Variants in SRGAP2 observed in about 807,000 individuals in gnomAD.
SRGAP2 encodes the protein SLIT-ROBO Rho GTPase-activating protein 2.
A neutral mutation model predicts 57.2 loss-of-function variants in SRGAP2; 15 were observed. That is an observed-to-expected ratio of 0.26 (90% CI 0.18 to 0.40). SRGAP2 has a LOEUF of 0.40. Ranked by LOEUF, SRGAP2 falls within the 10% of genes least tolerant of loss-of-function variation. The pLI is 1.00. For synonymous variants in SRGAP2, 249 were observed against 248.0 expected (o/e 1.00, Z -0.04); for missense variants, 520 against 669.6 (o/e 0.78, Z 2.47).
chr1:206,452,513 G>A (rs115616775), intron 19 of SRGAP2, among the ~76,000 whole-genome samples: 1,998 of 152,222 alleles, frequency 0.013, 21 homozygotes, highest in Middle Eastern at 0.024. Flanking sequence ...AAGAAATAAT[G>A]CTTAAAAATA....
At chr1:206,318,466 G>A (rs1553326597) in intron 3 of SRGAP2, among the ~76,000 whole-genome samples, 1 of 152,150 alleles carries the variant, frequency 6.6e-6, no homozygotes, top group Non-Finnish European at 1.5e-5. Context: ...CCGGTAATGC[G>A]TGGAAATGTG....
At chr1:206,293,104 C>T (rs1465070796) in intron 2 of SRGAP2, among the ~76,000 whole-genome samples, 1 of 152,150 alleles carries the variant, frequency 6.6e-6, no homozygotes, top group African/African-American at 2.4e-5. Context: ...GTTTTCAACT[C>T]GATTGTGTTG....
At chr1:206,328,293 C>T (rs1674116991) in intron 3 of SRGAP2, among the ~76,000 whole-genome samples, 1 of 108,572 alleles carries the variant, frequency 9.2e-6, no homozygotes, top group Non-Finnish European at 1.8e-5. Context: ...TTTATAGCAG[C>T]ATGATTTATA....
intron 4 of SRGAP2, among the ~76,000 whole-genome samples, chr1:206,357,254 AAAG>A (rs1191333256): frequency 1.2e-4 from 18 of 149,124 alleles, no homozygotes; most frequent in African/African-American, 3.8e-4. Flanking sequence ...CTATGAAAGA[AAAG>A]AAAAAATTTT....
chr1:206,214,964 T>C (rs1666558609), intron 2 of SRGAP2: 1 of 151,890 alleles, frequency 6.6e-6, no homozygotes, highest in South Asian at 2.1e-4. Flanking sequence ...TCATACTGCC[T>C]TATGTTTGGA....
chr1:206,452,250 C>T (rs1663383515), intron 19 of SRGAP2, among the ~76,000 whole-genome samples: 1 of 152,110 alleles, frequency 6.6e-6, no homozygotes, highest in South Asian at 2.1e-4. Flanking sequence ...AGATTGCATT[C>T]GTAGACCCCT....
chr1:206,346,989 C>A (rs1165358020), intron 4 of SRGAP2, among the ~76,000 whole-genome samples: 7 of 150,640 alleles, frequency 4.6e-5, no homozygotes, highest in Non-Finnish European at 1.0e-4. Context: ...AGCCTGTAAT[C>A]CCAGCCCTTT....
At chr1:206,313,940 G>T (rs1672860418) in intron 3 of SRGAP2, among the ~76,000 whole-genome samples, 1 of 151,800 alleles carries the variant, frequency 6.6e-6, no homozygotes, top group Non-Finnish European at 1.5e-5. Flanking sequence ...GAAAGCACCT[G>T]GTACAGGAAG....
intron 4 of SRGAP2, among the ~76,000 whole-genome samples, chr1:206,364,448 G>A (rs1653752297): frequency 6.6e-6 from 1 of 151,776 alleles, no homozygotes; most frequent in Non-Finnish European, 1.5e-5. Flanking sequence ...ATTATAGTAT[G>A]TGCCACCATG....
intron 4 of SRGAP2, among the ~76,000 whole-genome samples, chr1:206,375,520 T>C (rs1553344247): frequency 1.3e-5 from 2 of 152,190 alleles, no homozygotes; most frequent in Non-Finnish European, 2.9e-5. Flanking sequence ...AAATGAAAGC[T>C]TAGATTTGAT....
intron 4 of SRGAP2, among the ~76,000 whole-genome samples, chr1:206,373,127 G>T (rs1553343090): frequency 4.7e-5 from 4 of 85,468 alleles, no homozygotes; most frequent in South Asian, 4.1e-4. Flanking sequence ...TCTGAGTCTT[G>T]CTCTGTCACC....
chr1:206,256,956 A>C (rs1367290360), intron 2 of SRGAP2, among the ~76,000 whole-genome samples: 1 of 137,516 alleles, frequency 7.3e-6, no homozygotes, highest in African/African-American at 2.7e-5. Context: ...AACACCAACA[A>C]TGTGCCTGGT....
At chr1:206,247,455 G>A (rs1165146834) in intron 2 of SRGAP2, among the ~76,000 whole-genome samples, 1 of 151,712 alleles carries the variant, frequency 6.6e-6, no homozygotes, top group East Asian at 2.0e-4. Context: ...GCCAGGGAGA[G>A]GGAGCCTCCA....
At position 206,374,093 on chromosome 1, in the gene SRGAP2, C is replaced by T. The variant is rs3118996; in HGVS notation, c.424-9921C>T. Among the ~76,000 whole-genome samples, 1,253 of 130,676 alleles carry T rather than the reference C, an allele frequency of 9.6e-3. 22 individuals are homozygous for T. Among genetic ancestry groups the T allele is most frequent in the African/African-American group, 0.035 (1,187 of 34,208 alleles). 85.7% of individuals were successfully genotyped at this position (130,676 alleles called of 152,430 possible). A position where few individuals can be genotyped will look rare whatever the true frequency, so the allele number is the denominator to read the frequency against. On this transcript the variant is annotated intron_variant, in intron 4 of 22. Coordinates refer to ENST00000573034, the MANE Select transcript of SRGAP2 (RefSeq NM_015326.5). The stretch of plus-strand genomic sequence containing the variant: ...AGGCTGGAGTGCAGTGGTGGGATTT[C>T]GGCTCACTGCAAGCTCCGCCTCCCG...
chr1:206,276,681 C>T (rs1670430843), intron 2 of SRGAP2, among the ~76,000 whole-genome samples: 1 of 152,120 alleles, frequency 6.6e-6, no homozygotes, highest in Non-Finnish European at 1.5e-5. Flanking sequence ...GAAATCCTTT[C>T]CGGGGTTTTC....
intron 21 of SRGAP2, among the ~76,000 whole-genome samples, chr1:206,456,887 C>T (rs1422512930): frequency 6.6e-6 from 1 of 152,226 alleles, no homozygotes; most frequent in African/African-American, 2.4e-5. Context: ...CCTGCTGTCT[C>T]CTCACCTGGT....
intron 3 of SRGAP2, among the ~76,000 whole-genome samples, chr1:206,334,382 T>C (rs1454865067): frequency 6.6e-6 from 1 of 151,460 alleles, no homozygotes; most frequent in Non-Finnish European, 1.5e-5. Context: ...TAATGACACA[T>C]GCAGCCAATC....
At chr1:206,265,571 C>A (rs1345618725) in intron 2 of SRGAP2, among the ~76,000 whole-genome samples, 14 of 78,752 alleles carry the variant, frequency 1.8e-4, no homozygotes, top group African/African-American at 5.6e-4. Flanking sequence ...CACAGAAATA[C>A]CAAGAGAGAA....
chr1:206,369,496 C>G (rs2103016920), intron 4 of SRGAP2, among the ~76,000 whole-genome samples: 1 of 152,174 alleles, frequency 6.6e-6, no homozygotes, highest in South Asian at 2.1e-4. Flanking sequence ...ATTTTCAAAT[C>G]ATATATCTCA....
Sources: gnomAD v4.1 joint callset for allele counts (sites outside exome capture counted in the v4.1 genomes callset) on GRCh38, gnomAD v4.1.1 for gene constraint, MANE v1.5 for transcripts, NCBI Gene and HGNC (gene_info 2026-07-23, HGNC 2026-07-21) for gene names.